USH2A: variants seen among roughly 807,000 people sequenced by gnomAD.
USH2A encodes the protein usherin.
In USH2A, 443 loss-of-function variants were observed where a neutral mutation model predicts 538.9. The observed-to-expected ratio is 0.82, with a 90% confidence interval of 0.76 to 0.89. The LOEUF (loss-of-function observed/expected upper bound fraction) is 0.89. USH2A is among the 40% of genes least tolerant of loss of function. The pLI, the probability that USH2A is intolerant of heterozygous loss-of-function variation, is 0.00. For synonymous variants in USH2A, 2,413 were observed against 2,273.5 expected (o/e 1.06, Z -1.75); for missense variants, 6,633 against 6,324.8 (o/e 1.05, Z -1.65).
chr1:215,716,158 C>T (rs1160184840), intron 61 of USH2A, among the ~76,000 whole-genome samples: 1 of 150,296 alleles, frequency 6.7e-6, no homozygotes, highest in African/African-American at 2.5e-5. Flanking sequence ...TTTGCTGTTT[C>T]TCTAGGGGCT....
chr1:215,708,001 A>C (rs1220597410), intron 61 of USH2A, among the ~76,000 whole-genome samples: 1 of 152,196 alleles, frequency 6.6e-6, no homozygotes, highest in Non-Finnish European at 1.5e-5. Flanking sequence ...ACAAATTTAA[A>C]ACTCATAGAA....
At chr1:215,751,371 C>T (rs997966621) in intron 58 of USH2A, among the ~76,000 whole-genome samples, 15 of 152,108 alleles carry the variant, frequency 9.9e-5, no homozygotes, top group African/African-American at 2.6e-4. Flanking sequence ...CTATATTGTA[C>T]GTTAAACCTA....
intron 21 of USH2A, chr1:216,174,864 CAGTAACGGGGTGCATACTG>C: frequency 9.6e-7 from 1 of 1,038,436 alleles, no homozygotes; most frequent in Non-Finnish European, 1.2e-6. Flanking sequence ...TTTGGAGTTT[CAGTAACGGGGTGCATACTG>C]AGAATCTCCA....
chr1:215,795,119 T>G lies in USH2A; in HGVS notation c.9958+3788A>C, dbSNP rs114096676. The stretch of plus-strand genomic sequence containing the variant: ...ATCATCATATTGACTCTTCCCTGAG[T>G]GCTAAATAATGTTCAAATCCTTTTG... On this transcript the variant is annotated intron_variant, in intron 50 of 71. Transcript: ENST00000307340. Among the ~76,000 whole-genome samples, 219 of 152,286 alleles carry G rather than the reference T, an allele frequency of 1.4e-3. 3 individuals are homozygous for G. The highest frequency in any genetic ancestry group is 5.1e-3 in the African/African-American group (212 of 41,570).
At chr1:216,307,251 G>C (rs2037334871) in intron 9 of USH2A, among the ~76,000 whole-genome samples, 2 of 152,114 alleles carry the variant, frequency 1.3e-5, no homozygotes, top group Admixed American at 1.3e-4. Context: ...AAGCTGCTCT[G>C]AGTGTTGGGG....
At chr1:216,407,424 T>C (rs1351847122) in intron 3 of USH2A, among the ~76,000 whole-genome samples, 2 of 152,190 alleles carry the variant, frequency 1.3e-5, no homozygotes, top group Non-Finnish European at 2.9e-5. Context: ...TAATGTTAAT[T>C]ACTCTGTCTT....
In USH2A at chr1:215,959,425, C is replaced by T. The variant is rs1389549212; in HGVS notation, c.7120+5892G>A. Among the ~76,000 whole-genome samples, 3 of 151,902 alleles carry T rather than the reference C, an allele frequency of 2.0e-5. No homozygotes were observed. In the East Asian group the frequency reaches 5.8e-4, roughly 29 times the overall value. Reference sequence around the variant, plus strand: ...ATTTCCTTTCTTTCCCGGTCCTTACCTTCCACCCTTACTTTTGAGGACTTA... The same window carrying T: ...ATTTCCTTTCTTTCCCGGTCCTTACTTTCCACCCTTACTTTTGAGGACTTA... On this transcript the variant is annotated intron_variant, in intron 37 of 71. Transcript: ENST00000307340.
At chr1:216,096,924 T>C (rs1194508157) in intron 22 of USH2A, among the ~76,000 whole-genome samples, 159 bp downstream of exon 22, 1 of 152,244 alleles carries the variant, frequency 6.6e-6, no homozygotes, top group African/African-American at 2.4e-5. Flanking sequence ...CACATTACTT[T>C]TGTAAGTTTC....
chr1:216,117,873 C>A (rs2033047189), intron 21 of USH2A, among the ~76,000 whole-genome samples: 1 of 150,240 alleles, frequency 6.7e-6, no homozygotes, highest in Admixed American at 6.7e-5. Flanking sequence ...CATGTATACA[C>A]ATATATAGAT....
intron 47 of USH2A, among the ~76,000 whole-genome samples, chr1:215,821,789 C>T (rs1378913445): frequency 2.6e-5 from 4 of 151,666 alleles, no homozygotes; most frequent in Non-Finnish European, 4.4e-5. Context: ...TTCTTGAATG[C>T]GGTAAGAGAT....
At chr1:216,109,361 A>C (rs1234348605) in intron 21 of USH2A, among the ~76,000 whole-genome samples, 5 of 152,120 alleles carry the variant, frequency 3.3e-5, no homozygotes, top group Non-Finnish European at 5.9e-5. Context: ...CTACAATAGC[A>C]TACTCCTCCG....
At position 216,283,487 on chromosome 1, in the gene USH2A, G is replaced by A. The variant is rs76046913; in HGVS notation, c.1971+5793C>T. Among the ~76,000 whole-genome samples the A allele has an allele frequency of 1.1e-3, 161 of 152,198 alleles. 5 individuals carry two copies. In the East Asian group the frequency reaches 0.027, roughly 25 times the overall value. ...AATACAAATAACTTCTCTTTTTCCA[G>A]TCTCAATGTCTTTTATTTCATTTTC... On this transcript the variant is annotated intron_variant, in intron 11 of 71. Transcript: ENST00000307340.
intron 35 of USH2A, 46 bp from the exon 36 acceptor site, chr1:215,970,822 C>G: frequency 6.3e-7 from 1 of 1,588,182 alleles, no homozygotes. Flanking sequence ...TAGACAATAG[C>G]AAAGAAGGTC....
chr1:216,030,180 AATATATATG>A (rs1369462367), intron 32 of USH2A, among the ~76,000 whole-genome samples: 2 of 142,186 alleles, frequency 1.4e-5, no homozygotes, highest in African/African-American at 5.1e-5. Context: ...ACAGATATAT[AATATATATG>A]ATATATAGAT....
At chr1:216,213,452 G>C (rs2035283756) in intron 15 of USH2A, among the ~76,000 whole-genome samples, 1 of 151,944 alleles carries the variant, frequency 6.6e-6, no homozygotes, top group South Asian at 2.1e-4. Flanking sequence ...TTTTTGCATA[G>C]ATGCTTGGGT....
intron 49 of USH2A, 23 bp from the exon 50 acceptor site, chr1:215,799,148 A>T (rs1660158605): frequency 6.2e-7 from 1 of 1,600,112 alleles, no homozygotes; most frequent in Admixed American, 1.7e-5. Context: ...GACAATAATA[A>T]TCATTACATC....
chr1:215,679,037 CTCTTGCCCCAGGGGGGAGAAG>C (rs1190855353), intron 62 of USH2A, among the ~76,000 whole-genome samples: 1 of 152,182 alleles, frequency 6.6e-6, no homozygotes, highest in Non-Finnish European at 1.5e-5. Context: ...AGGCTCAAGC[CTCTTGCCCCAGGGGGGAGAAG>C]TCTGGCTTCT....
At chr1:215,981,836 CA>C (rs1667758470) in intron 35 of USH2A, among the ~76,000 whole-genome samples, 2 of 152,098 alleles carry the variant, frequency 1.3e-5, no homozygotes, top group South Asian at 4.1e-4. Flanking sequence ...TGGTTTCATT[CA>C]ATGGCATTTT....
At chr1:216,239,968 G>C (rs376750358) in intron 13 of USH2A, among the ~76,000 whole-genome samples, 26 of 134,468 alleles carry the variant, frequency 1.9e-4, no homozygotes, top group Admixed American at 7.3e-4. Context: ...AAACATGGTA[G>C]ATTGAATAAT....
Sources: allele counts gnomAD v4.1 joint callset (sites outside exome capture counted in the v4.1 genomes callset), GRCh38; gene constraint gnomAD v4.1.1; transcripts MANE v1.5; gene names NCBI Gene and HGNC (gene_info 2026-07-23, HGNC 2026-07-21).